Variants in AGTR1 observed in about 807,000 individuals in gnomAD.
The protein encoded by AGTR1 is type-1 angiotensin II receptor.
Under a neutral mutation model 19.4 loss-of-function variants are expected in AGTR1, and 16 were observed. The observed-to-expected ratio is 0.82, with a 90% confidence interval of 0.56 to 1.25. AGTR1 has a LOEUF of 1.25. AGTR1 is among the 50% of genes most tolerant of loss of function. AGTR1 has a pLI of 0.00. For synonymous variants in AGTR1, 153 were observed against 154.9 expected (o/e 0.99, Z 0.09); for missense variants, 373 against 431.9 (o/e 0.86, Z 1.21).
chr3:148,720,651 C>T (rs903717539), intron 2 of AGTR1, among the ~76,000 whole-genome samples: 3 of 152,038 alleles, frequency 2.0e-5, no homozygotes, highest in Admixed American at 6.5e-5. Flanking sequence ...CTAGCTGCCT[C>T]GTACCGGTTT....
At chr3:148,699,046 C>G (rs1273639978) in intron 1 of AGTR1, among the ~76,000 whole-genome samples, 3 of 151,946 alleles carry the variant, frequency 2.0e-5, no homozygotes, top group Non-Finnish European at 4.4e-5. Flanking sequence ...GGCCTCTTCT[C>G]TTTGTTTGCT....
At chr3:148,730,348 GT>G in intron 2 of AGTR1, 1 of 391,894 alleles carries the variant, frequency 2.6e-6, no homozygotes, top group Non-Finnish European at 4.5e-6. Context: ...GTAGATCTTA[GT>G]TCTTCCTGAG....
intron 2 of AGTR1, among the ~76,000 whole-genome samples, chr3:148,715,313 G>T (rs1713233742): frequency 6.6e-6 from 1 of 152,086 alleles, no homozygotes; most frequent in African/African-American, 2.4e-5. Context: ...TTAACAATCT[G>T]TGTTCGCAGG....
At position 148,700,592 on chromosome 3, in the gene AGTR1, A is replaced by G. The variant is rs150979652; in HGVS notation, c.-132+2465A>G. Among the ~76,000 whole-genome samples the G allele has an allele frequency of 1.8e-4, 27 of 152,314 alleles. No homozygotes were observed. In the East Asian group the frequency reaches 4.8e-3, roughly 27 times the overall value. ...TGGTCAGTCATGACTGGAGAATGCCAAAGAGTCTCCCAAGTAGGCTACCAA... is the reference window on the plus strand; with the variant it reads ...TGGTCAGTCATGACTGGAGAATGCCGAAGAGTCTCCCAAGTAGGCTACCAA... On this transcript the variant is annotated intron_variant, in intron 1 of 2. Transcript: ENST00000349243.
intron 2 of AGTR1, among the ~76,000 whole-genome samples, chr3:148,724,634 T>C (rs895393707): frequency 5.3e-5 from 8 of 152,208 alleles, no homozygotes; most frequent in African/African-American, 9.6e-5. Flanking sequence ...TTTTTGTGAC[T>C]TCCTGACTCA....
At chr3:148,713,773 G>C (rs939578384) in intron 2 of AGTR1, among the ~76,000 whole-genome samples, 3 of 152,136 alleles carry the variant, frequency 2.0e-5, no homozygotes, top group African/African-American at 4.8e-5. Context: ...AGGTAGACAG[G>C]TTTTGTTCAG....
intron 2 of AGTR1, among the ~76,000 whole-genome samples, chr3:148,719,841 G>A (rs1355129723): frequency 6.6e-6 from 1 of 152,136 alleles, no homozygotes; most frequent in African/African-American, 2.4e-5. Flanking sequence ...CAGCAAGCCG[G>A]TTCTATGACA....
intron 2 of AGTR1, among the ~76,000 whole-genome samples, chr3:148,719,055 T>C (rs1713459285): frequency 6.6e-6 from 1 of 152,218 alleles, no homozygotes; most frequent in Admixed American, 6.5e-5. Flanking sequence ...GATTTTTTTA[T>C]TCCCTGGTGT....
chr3:148,728,670 G>A (rs1250497939), intron 2 of AGTR1, among the ~76,000 whole-genome samples: 1 of 152,248 alleles, frequency 6.6e-6, no homozygotes, highest in East Asian at 1.9e-4. Context: ...CCGAGAGGTG[G>A]ATGGAGAATG....
At chr3:148,715,843 A>G (rs573610843) in intron 2 of AGTR1, among the ~76,000 whole-genome samples, 61 of 152,290 alleles carry the variant, frequency 4.0e-4, no homozygotes, top group African/African-American at 1.4e-3. Context: ...GCTTTGTGCT[A>G]AAAATTGTTA....
At chr3:148,731,984 C>T (rs1714281373) in intron 2 of AGTR1, among the ~76,000 whole-genome samples, 1 of 152,220 alleles carries the variant, frequency 6.6e-6, no homozygotes, top group Non-Finnish European at 1.5e-5. Flanking sequence ...TTGAAGTTCT[C>T]TTATAATACT....
In AGTR1 at chr3:148,741,313, G is replaced by A. The variant is rs764518060; in HGVS notation, c.278G>A (p.Arg93His). ...GCTGTCTACACAGCTATGGAATACCGCTGGCCCTTTGGCAATTACCTATGT... is the reference window on the plus strand; with the variant it reads ...GCTGTCTACACAGCTATGGAATACCACTGGCCCTTTGGCAATTACCTATGT... ...LWAVYTAMEY[R>H]WPFGNYLCKI... is the part of the protein sequence containing the mutation. Residue 93 changes from arginine (R) to histidine (H), a missense_variant, in exon 3 of 3, where the codon CGC becomes CAC. Transcript: ENST00000349243. 31 of 1,610,830 alleles carry A rather than the reference G, an allele frequency of 1.9e-5. No homozygotes were observed. Among genetic ancestry groups the A allele is most frequent in the African/African-American group, 4.0e-5 (3 of 74,904 alleles).
chr3:148,729,301 A>G (rs1023936516), intron 2 of AGTR1, among the ~76,000 whole-genome samples: 37 of 152,302 alleles, frequency 2.4e-4, no homozygotes, highest in African/African-American at 8.7e-4. Context: ...AGTTACTGCT[A>G]TTTGAGTAAT....
intron 2 of AGTR1, among the ~76,000 whole-genome samples, chr3:148,720,609 G>A (rs1713575296): frequency 6.6e-6 from 1 of 152,080 alleles, no homozygotes; most frequent in Non-Finnish European, 1.5e-5. Context: ...AATTAACTAT[G>A]TACAGTACTT....
chr3:148,738,001 C>T (rs12721232), intron 2 of AGTR1, among the ~76,000 whole-genome samples: 19,645 of 152,044 alleles, frequency 0.13, 1,679 homozygotes, highest in African/African-American at 0.25. Flanking sequence ...AAAACTATGC[C>T]TATAAATTGA....
chr3:148,724,822 A>G (rs994829911), intron 2 of AGTR1, among the ~76,000 whole-genome samples: 39 of 152,198 alleles, frequency 2.6e-4, no homozygotes, highest in African/African-American at 8.9e-4. Context: ...ACTGGAATAG[A>G]CTGATTCCAA....
intron 2 of AGTR1, chr3:148,731,132 G>A (rs1375031185): frequency 6.6e-6 from 1 of 152,098 alleles, no homozygotes; most frequent in Non-Finnish European, 1.5e-5. Context: ...CATGTCAAAT[G>A]TTTTTAATAG....
At chr3:148,724,597 C>G (rs923629254) in intron 2 of AGTR1, among the ~76,000 whole-genome samples, 1 of 152,122 alleles carries the variant, frequency 6.6e-6, no homozygotes. Flanking sequence ...ATAAATTTGA[C>G]CCATGAATTT....
intron 2 of AGTR1, among the ~76,000 whole-genome samples, chr3:148,711,481 G>A (rs1712981329): frequency 6.6e-6 from 1 of 151,950 alleles, no homozygotes; most frequent in Non-Finnish European, 1.5e-5. Flanking sequence ...AACCAGTTTG[G>A]AATTTTTAAA....
Sources: gnomAD v4.1 joint callset for allele counts (sites outside exome capture counted in the v4.1 genomes callset) on GRCh38, gnomAD v4.1.1 for gene constraint, MANE v1.5 for transcripts, NCBI Gene and HGNC (gene_info 2026-07-23, HGNC 2026-07-21) for gene names.